The following GLIS1 variants were observed in gnomAD, a reference collection of about 807,000 sequenced individuals.
The protein encoded by GLIS1 is zinc finger protein GLIS1.
In GLIS1, 24 loss-of-function variants were observed where a neutral mutation model predicts 63.8. The ratio of observed to expected loss-of-function variants is 0.38; its 90% CI spans 0.27 to 0.53. The LOEUF is 0.53. Ranked by LOEUF, GLIS1 falls within the 20% of genes least tolerant of loss-of-function variation. The pLI, the probability that GLIS1 is intolerant of heterozygous loss-of-function variation, is 0.85. For synonymous variants in GLIS1, 450 were observed against 482.5 expected, an observed-to-expected ratio of 0.93 and a Z score of 0.88; for missense variants, 1,036 against 1,074.1, an observed-to-expected ratio of 0.96 and a Z score of 0.50.
At chr1:53,635,255 C>G (rs1645711828) in intron 2 of GLIS1, among the ~76,000 whole-genome samples, 1 of 151,898 alleles carries the variant, frequency 6.6e-6, no homozygotes, top group East Asian at 1.9e-4. Context: ...TAGAGCAAGC[C>G]TCGATAGTTC....
intron 2 of GLIS1, among the ~76,000 whole-genome samples, chr1:53,607,015 G>A (rs963258020): frequency 1.3e-5 from 2 of 152,222 alleles, no homozygotes; most frequent in African/African-American, 4.8e-5. Flanking sequence ...TGTGGGGGCA[G>A]GTGTATGGTG....
At chr1:53,688,942 C>G (rs1338350849) in intron 2 of GLIS1, 2 of 152,384 alleles carry the variant, frequency 1.3e-5, no homozygotes, top group East Asian at 3.9e-4. Flanking sequence ...GCCACACCCC[C>G]AGGCCAGACT....
intron 2 of GLIS1, among the ~76,000 whole-genome samples, chr1:53,732,469 CT>C (rs11288157): frequency 0.12 from 18,155 of 145,660 alleles, 1,370 homozygotes; most frequent in African/African-American, 0.24. Flanking sequence ...ATGCTGAAAG[CT>C]TTTTTTTTTT....
chr1:53,666,705 G>A (rs1039765863), intron 2 of GLIS1, among the ~76,000 whole-genome samples: 6 of 152,098 alleles, frequency 3.9e-5, no homozygotes, highest in Admixed American at 3.3e-4. Flanking sequence ...ACAAGCCCCT[G>A]GATGGCAGAA....
intron 2 of GLIS1, among the ~76,000 whole-genome samples, chr1:53,730,541 T>C (rs1646849648): frequency 6.6e-6 from 1 of 152,208 alleles, no homozygotes; most frequent in African/African-American, 2.4e-5. Context: ...AAACCTGTTA[T>C]TTAAAAACAA....
intron 4 of GLIS1, among the ~76,000 whole-genome samples, chr1:53,563,952 A>G (rs1016201719): frequency 4.6e-5 from 7 of 152,232 alleles, no homozygotes; most frequent in Admixed American, 4.6e-4. Flanking sequence ...TCTTCTATCT[A>G]TCTTTCAAAA....
intron 2 of GLIS1, among the ~76,000 whole-genome samples, chr1:53,645,207 T>C (rs938453596): frequency 6.6e-6 from 1 of 152,184 alleles, no homozygotes; most frequent in Non-Finnish European, 1.5e-5. Context: ...CCTTCCATAT[T>C]TCGGATCTTG....
chr1:53,609,548 C>T lies in GLIS1; in HGVS notation c.260-9270G>A, dbSNP rs557777580. Among the ~76,000 whole-genome samples the T allele has an allele frequency of 2.0e-4, 31 of 152,304 alleles. No homozygotes were observed. The South Asian group carries it at 5.2e-3, about 25-fold the overall frequency. Reference sequence around the variant, plus strand: ...CCTCCCAAAGTGTTGGGATTACTGGCGTGAGCCACCGCACCCAGCCTAAAT... The same window carrying T: ...CCTCCCAAAGTGTTGGGATTACTGGTGTGAGCCACCGCACCCAGCCTAAAT... On this transcript the variant is annotated intron_variant, in intron 2 of 10. Transcript: ENST00000628545.
chr1:53,625,663 T>C (rs1360970178), intron 2 of GLIS1, among the ~76,000 whole-genome samples: 2 of 152,238 alleles, frequency 1.3e-5, no homozygotes, highest in Admixed American at 6.5e-5. Flanking sequence ...CTATTGTGTC[T>C]GGAGCCAGCC....
intron 4 of GLIS1, among the ~76,000 whole-genome samples, chr1:53,581,301 G>A (rs1483267410): frequency 1.3e-5 from 2 of 152,168 alleles, no homozygotes; most frequent in Non-Finnish European, 2.9e-5. Flanking sequence ...GACAGCAACC[G>A]TGCAGCCCTC....
At chr1:53,654,622 AG>A (rs1425926281) in intron 2 of GLIS1, among the ~76,000 whole-genome samples, 5 of 152,156 alleles carry the variant, frequency 3.3e-5, no homozygotes, top group South Asian at 4.2e-4. Context: ...GAAGAAGCGG[AG>A]GGGGAAACTC....
chr1:53,672,501 G>A (rs1361815450), intron 2 of GLIS1, among the ~76,000 whole-genome samples: 1 of 152,150 alleles, frequency 6.6e-6, no homozygotes, highest in Non-Finnish European at 1.5e-5. Context: ...CTACCCCTGG[G>A]CCTAGAGTGA....
At chr1:53,644,552 G>C (rs1158664196) in intron 2 of GLIS1, among the ~76,000 whole-genome samples, 2 of 152,152 alleles carry the variant, frequency 1.3e-5, no homozygotes, top group Admixed American at 6.5e-5. Context: ...AATGGGAAGA[G>C]TTCTTCAAAA....
At chr1:53,553,139 C>T (rs1476611566) in intron 4 of GLIS1, among the ~76,000 whole-genome samples, 1 of 152,192 alleles carries the variant, frequency 6.6e-6, no homozygotes. Flanking sequence ...TAGATGAACC[C>T]CATCCCCATC....
At chr1:53,736,687 G>T (rs1168776508) in intron 2 of GLIS1, among the ~76,000 whole-genome samples, 1 of 152,162 alleles carries the variant, frequency 6.6e-6, no homozygotes, top group Non-Finnish European at 1.5e-5. Context: ...ATGAGAAGTA[G>T]TTCTCTCTTA....
At chr1:53,548,233 G>C (rs1175082122) in intron 4 of GLIS1, among the ~76,000 whole-genome samples, 2 of 152,222 alleles carry the variant, frequency 1.3e-5, no homozygotes, top group Non-Finnish European at 2.9e-5. Flanking sequence ...TGAAGGTGGG[G>C]CTCAGGTGGG....
Position 53,726,759 on chromosome 1 carries a change from C to A in GLIS1, c.259+11047G>T, listed in dbSNP as rs12127863. On this transcript the variant is annotated intron_variant, in intron 2 of 10. Transcript: ENST00000628545. ...GAAACCACTATGCCCACCAGCCAGA[C>A]CTGCATCCTCCATCTCTGCAGCTCA... Among the ~76,000 whole-genome samples the A allele has an allele frequency of 8.5e-3, 1,291 of 152,306 alleles. 12 individuals carry two copies. The highest frequency in any genetic ancestry group is 0.012 in the South Asian group (58 of 4,820).
chr1:53,588,504 T>C (rs1017292178), intron 4 of GLIS1, among the ~76,000 whole-genome samples: 1 of 152,246 alleles, frequency 6.6e-6, no homozygotes, highest in Non-Finnish European at 1.5e-5. Flanking sequence ...TCTCTGGGTC[T>C]GTCTTCCCTG....
intron 2 of GLIS1, among the ~76,000 whole-genome samples, chr1:53,688,598 T>A (rs1646367489): frequency 6.6e-6 from 1 of 152,202 alleles, no homozygotes; most frequent in African/African-American, 2.4e-5. Context: ...CTCCCTGGTC[T>A]CACGCTGATG....
Sources: allele counts gnomAD v4.1 joint callset (sites outside exome capture counted in the v4.1 genomes callset), GRCh38; gene constraint gnomAD v4.1.1; transcripts MANE v1.5; gene names NCBI Gene and HGNC (gene_info 2026-07-23, HGNC 2026-07-21).